The following CEP85 variants were observed in gnomAD, a reference collection of about 807,000 sequenced individuals.
CEP85 encodes centrosomal protein 85, also known as centrosomal protein of 85 kDa.
CEP85 carries 58 observed loss-of-function variants against 93.7 expected under a neutral mutation model. The observed-to-expected ratio is 0.62, with a 90% CI of 0.50 to 0.77. The LOEUF is 0.77. Among genes scored for constraint, CEP85 ranks in the 30% least tolerant of loss-of-function variants. CEP85 has a pLI of 0.00. For missense variants in CEP85, 868 were observed against 922.0 expected (o/e 0.94, Z 0.76); for synonymous variants, 314 against 338.6 (o/e 0.93, Z 0.80).
chr1:26,273,853 C>T (rs954766224), intron 11 of CEP85, among the ~76,000 whole-genome samples: 7 of 151,596 alleles, frequency 4.6e-5, no homozygotes, highest in Admixed American at 1.3e-4. Flanking sequence ...GCCGAGATCA[C>T]GCCACTGCAC....
At chr1:26,275,362 C>A (rs566936968) in intron 12 of CEP85, among the ~76,000 whole-genome samples, 7 of 151,400 alleles carry the variant, frequency 4.6e-5, no homozygotes, top group African/African-American at 1.7e-4. Flanking sequence ...CTCACTGCAA[C>A]CTCCGCCTCC....
chr1:26,248,245 C>T (rs1302498287), intron 3 of CEP85, among the ~76,000 whole-genome samples: 1 of 152,200 alleles, frequency 6.6e-6, no homozygotes, highest in South Asian at 2.1e-4. Flanking sequence ...AAGGTTTTGT[C>T]TACATGTGCA....
At chr1:26,259,219 G>C (rs2089768756) in intron 6 of CEP85, among the ~76,000 whole-genome samples, 1 of 152,222 alleles carries the variant, frequency 6.6e-6, no homozygotes, top group Non-Finnish European at 1.5e-5. Flanking sequence ...TAGAGAATGA[G>C]TGGAGGGAAG....
intron 11 of CEP85, among the ~76,000 whole-genome samples, chr1:26,273,934 T>TAAAAA (rs777935042): frequency 9.3e-6 from 1 of 107,860 alleles, no homozygotes; most frequent in African/African-American, 3.4e-5. Flanking sequence ...ATAAATAAAA[T>TAAAAA]ATATATATAT....
rs369652785 is a variant in CEP85, at chr1:26,244,270, G to A, written c.160G>A (p.Asp54Asn). The change falls in exon 3 of 14, where the codon GAC (aspartate) becomes AAC (asparagine). Residue 54 changes from aspartate (D) to asparagine (N), a missense_variant. Physicochemically the swap from Asp to Asn is conservative, Grantham distance 23. Coordinates refer to ENST00000451429, the MANE Select transcript of CEP85 (RefSeq NM_001319944.2). ...SRFSRCSSVADSGDTAIGTSC... is the reference protein window; with the variant it reads ...SRFSRCSSVANSGDTAIGTSC... ...CTTCAGCCGCTGTTCAAGTGTAGCC[G>A]ACAGTGGGGACACAGCCATTGGTAC... 5.7e-5 allele frequency: 92 copies of A among 1,613,950 alleles called. No individual in the cohort carries two copies. The highest frequency in any genetic ancestry group is 1.9e-4 in the African/African-American group (14 of 74,902).
At chr1:26,275,299 T>A (rs894330592) in intron 12 of CEP85, among the ~76,000 whole-genome samples, 13 of 151,458 alleles carry the variant, frequency 8.6e-5, no homozygotes, top group African/African-American at 1.2e-4. Context: ...TTTTTTTTTT[T>A]AAGACAGAGT....
chr1:26,275,143 C>A, intron 12 of CEP85, 72 bp downstream of exon 12: 1 of 1,131,698 alleles, frequency 8.8e-7, no homozygotes, highest in Non-Finnish European at 1.3e-6. Context: ...CTCCCCATCT[C>A]TACCCCAATA....
chr1:26,242,510 TAGA>T (rs1183290027), intron 2 of CEP85, among the ~76,000 whole-genome samples: 1 of 152,076 alleles, frequency 6.6e-6, no homozygotes, highest in African/African-American at 2.4e-5. Flanking sequence ...ATCCAAAGAA[TAGA>T]AGAAGTATTT....
intron 11 of CEP85, among the ~76,000 whole-genome samples, chr1:26,273,510 T>C (rs1175829439): frequency 6.6e-6 from 1 of 152,200 alleles, no homozygotes. Flanking sequence ...TCAAAATAGG[T>C]TTCCTAGAAC....
At chr1:26,244,600 C>T (rs996097532) in intron 3 of CEP85, among the ~76,000 whole-genome samples, 1 of 152,040 alleles carries the variant, frequency 6.6e-6, no homozygotes, top group African/African-American at 2.4e-5. Flanking sequence ...GATCATAGCT[C>T]GCTGCAGCCT....
At position 26,237,849 on chromosome 1, in the gene CEP85, G is replaced by A. The variant is rs914189010; in HGVS notation, c.-22-1913G>A. ...CTTTAAAGAAAGGAGTGAAGAAAAG[G>A]ATTTTGATATTGACAAGAAAGGAAA... On this transcript the variant is annotated intron_variant, in intron 1 of 13. Transcript: ENST00000451429. Among the ~76,000 whole-genome samples the A allele has an allele frequency of 6.3e-4, 96 of 152,086 alleles. 2 individuals carry two copies. The highest frequency in any genetic ancestry group is 5.9e-4 in the Admixed American group (9 of 15,270).
intron 3 of CEP85, among the ~76,000 whole-genome samples, chr1:26,244,579 T>G (rs1450805306): frequency 6.6e-6 from 1 of 152,094 alleles, no homozygotes; most frequent in African/African-American, 2.4e-5. Flanking sequence ...CAGGTTGGAG[T>G]GCACTGGCAT....
At chr1:26,271,809 A>G (rs1487972891) in intron 10 of CEP85, 2 of 587,748 alleles carry the variant, frequency 3.4e-6, no homozygotes, top group Non-Finnish European at 6.1e-6. Flanking sequence ...ATTCCTGTAT[A>G]AACCTTTGTG....
intron 5 of CEP85, 101 bp downstream of exon 5, chr1:26,257,831 T>C (rs1297468897): frequency 7.5e-7 from 1 of 1,334,696 alleles, no homozygotes; most frequent in African/African-American, 1.5e-5. Context: ...CTCCTCTGTT[T>C]AGGTCCATGT....
intron 2 of CEP85, among the ~76,000 whole-genome samples, 164 bp from the exon 3 acceptor site, chr1:26,243,991 CAAAAAAAAAAA>C (rs58751883): frequency 0.64 from 69,061 of 108,240 alleles, 18,984 homozygotes; most frequent in Non-Finnish European, 0.69. Flanking sequence ...GACTCCGTCT[CAAAAAAAAAAA>C]AAAAAAAAAA....
chr1:26,260,991 A>C (rs1201513599), intron 7 of CEP85, among the ~76,000 whole-genome samples: 2 of 150,876 alleles, frequency 1.3e-5, no homozygotes, highest in African/African-American at 4.9e-5. Context: ...GGGTTTCACC[A>C]TGTTGGCCAG....
At chr1:26,266,878 G>C (rs1195685919) in intron 7 of CEP85, among the ~76,000 whole-genome samples, 2 of 152,250 alleles carry the variant, frequency 1.3e-5, no homozygotes, top group South Asian at 2.1e-4. Flanking sequence ...TTAGCAAACA[G>C]ACATAGCTCT....
intron 10 of CEP85, 111 bp from the exon 11 acceptor site, chr1:26,271,910 T>TA (rs2124610248): frequency 1.2e-6 from 1 of 853,184 alleles, no homozygotes; most frequent in Non-Finnish European, 2.0e-6. Context: ...ATCCTGGTCT[T>TA]ACTCTTAATG....
At chr1:26,244,813 T>C (rs1299960852) in intron 3 of CEP85, among the ~76,000 whole-genome samples, 1 of 152,070 alleles carries the variant, frequency 6.6e-6, no homozygotes. Context: ...TGAGCCCCTG[T>C]GCCTAGCCTT....
Sources: gnomAD v4.1 joint callset for allele counts (sites outside exome capture counted in the v4.1 genomes callset) on GRCh38, gnomAD v4.1.1 for gene constraint, MANE v1.5 for transcripts, NCBI Gene and HGNC (gene_info 2026-07-23, HGNC 2026-07-21) for gene names.